The following ADH1C variants were observed in gnomAD, a reference collection of about 807,000 sequenced individuals.
ADH1C encodes alcohol dehydrogenase 1C (class I), gamma polypeptide.
Under a neutral mutation model 35.0 loss-of-function variants are expected in ADH1C, and 26 were observed. The ratio of observed to expected loss-of-function variants is 0.74; its 90% confidence interval spans 0.54 to 1.03. The LOEUF is 1.03. Ranked by LOEUF, ADH1C falls within the 50% of genes least tolerant of loss-of-function variation. ADH1C has a pLI of 0.00. For synonymous variants in ADH1C, 170 were observed against 169.3 expected (o/e 1.00, Z -0.03); for missense variants, 413 against 465.4 (o/e 0.89, Z 1.04).
chr4:99,342,260 A>T (rs1789908), intron 6 of ADH1C, among the ~76,000 whole-genome samples: 47,221 of 151,768 alleles, frequency 0.31, 8,726 homozygotes, highest in Non-Finnish European at 0.41. Context: ...GGCACTGTCC[A>T]GTTGCTGTGA....
rs1221712789 is a variant in ADH1C at position 99,347,781 on chromosome 4, C to T, written c.84G>A (p.Glu28=). 6.2e-7 allele frequency: 1 copy of T among 1,613,752 alleles called. No homozygotes were observed. The highest frequency in any genetic ancestry group is 8.5e-7 in the Non-Finnish European group (1 of 1,179,742). ...LKKPFSIEEV[E]VAPPKAHEVR... ...CTTCATGAGCCTTAGGAGGTGCAAC[C>T]TCTACCTCCTCAATGGAAAAGGGTT... The change falls in exon 2 of 9, where the codon GAG becomes GAA. Residue 28 remains glutamate, a synonymous_variant. Transcript: ENST00000515683.
intron 8 of ADH1C, 127 bp downstream of exon 8, chr4:99,339,450 G>T: frequency 1.1e-6 from 1 of 875,102 alleles, no homozygotes; most frequent in Non-Finnish European, 1.7e-6. Context: ...AACTGGCAAT[G>T]GAAAACCAAG....
chr4:99,342,657 G>A (rs1279150929), intron 6 of ADH1C, 138 bp downstream of exon 6: 2 of 1,381,432 alleles, frequency 1.4e-6, no homozygotes, highest in African/African-American at 2.9e-5. Context: ...AATTAAACAA[G>A]CCAGGTAACA....
chr4:99,343,310 C>A (rs534715876), intron 5 of ADH1C, among the ~76,000 whole-genome samples: 2 of 152,268 alleles, frequency 1.3e-5, no homozygotes, highest in Admixed American at 1.3e-4. Flanking sequence ...CAGGTCATAG[C>A]CCATGCCAAT....
chr4:99,350,486 A>G (rs962760559), intron 1 of ADH1C, among the ~76,000 whole-genome samples: 1 of 152,100 alleles, frequency 6.6e-6, no homozygotes, highest in African/African-American at 2.4e-5. Flanking sequence ...GTGAGACCAT[A>G]TGGTATTTGG....
In ADH1C at chr4:99,343,014, C is replaced by T. The variant is rs80086338; in HGVS notation, c.609G>A (p.Gly203=). 2 of 1,614,174 alleles carry T rather than the reference C, an allele frequency of 1.2e-6. No homozygotes were observed. Among genetic ancestry groups the T allele is most frequent in the Non-Finnish European group, 1.7e-6 (2 of 1,180,042 alleles). Residue 203 remains glycine (G), a synonymous_variant, in exon 6 of 9, where the codon GGG becomes GGA. Coordinates refer to ENST00000515683, the MANE Select transcript of ADH1C (RefSeq NM_000669.5). The part of the protein sequence containing the change: ...GSTCAVFGLG[G]VGLSVVMGCK... ...AGCCCATAACAACAGATAGGCCGACCCCTCCCAGGCCAAACACAGCACAGG... is the reference window on the plus strand; with the variant it reads ...AGCCCATAACAACAGATAGGCCGACTCCTCCCAGGCCAAACACAGCACAGG...
chr4:99,345,824 A>C (rs932282844), intron 3 of ADH1C, among the ~76,000 whole-genome samples: 1 of 152,196 alleles, frequency 6.6e-6, no homozygotes, highest in African/African-American at 2.4e-5. Flanking sequence ...TTTGAGGAAA[A>C]CTAACAAAAA....
In ADH1C at chr4:99,350,158, G is replaced by A. The variant is rs1734641277; in HGVS notation, c.19-2312C>T. ...TGCCAAAATAAATATCAGAATACTTGGAAATAAAGTTCTAATAGTAGGAGT... is the reference window on the plus strand; with the variant it reads ...TGCCAAAATAAATATCAGAATACTTAGAAATAAAGTTCTAATAGTAGGAGT... On this transcript the variant is annotated intron_variant, in intron 1 of 8. Coordinates refer to ENST00000515683, the MANE Select transcript of ADH1C (RefSeq NM_000669.5). 2.0e-5 allele frequency among the ~76,000 whole-genome samples: 3 copies of A among 152,068 alleles called. No individual in the cohort carries two copies. The South Asian group carries it at 6.2e-4, about 31-fold the overall frequency.
intron 6 of ADH1C, among the ~76,000 whole-genome samples, chr4:99,341,293 A>G (rs568511897): frequency 6.6e-6 from 1 of 152,338 alleles, no homozygotes; most frequent in Admixed American, 6.5e-5. Context: ...ACCTCAAAAG[A>G]CAGTTCAGAA....
intron 8 of ADH1C, 48 bp downstream of exon 8, chr4:99,339,529 C>A: frequency 3.9e-6 from 4 of 1,017,550 alleles, no homozygotes; most frequent in Non-Finnish European, 4.1e-6. Flanking sequence ...CCCCCCCCGC[C>A]GCTACTGTAG....
At chr4:99,338,685 G>C (rs1170497795) in intron 8 of ADH1C, among the ~76,000 whole-genome samples, 1 of 148,276 alleles carries the variant, frequency 6.7e-6, no homozygotes, top group Non-Finnish European at 1.5e-5. Context: ...GGTGCTCTGT[G>C]GGTGCTAGTG....
chr4:99,349,442 T>C (rs1158923308), intron 1 of ADH1C, among the ~76,000 whole-genome samples: 2 of 152,180 alleles, frequency 1.3e-5, no homozygotes, highest in African/African-American at 4.8e-5. Context: ...TGAAGACAAC[T>C]GTTTACCCAC....
intron 5 of ADH1C, among the ~76,000 whole-genome samples, chr4:99,343,679 A>G (rs754475691): frequency 6.6e-5 from 10 of 152,216 alleles, no homozygotes; most frequent in Non-Finnish European, 1.2e-4. Context: ...TCTATATTTT[A>G]ATAATAAATA....
intron 1 of ADH1C, among the ~76,000 whole-genome samples, chr4:99,348,404 A>G (rs1734593715): frequency 6.6e-6 from 1 of 151,468 alleles, no homozygotes. Context: ...GCGATAGTTT[A>G]CTGAGAATGA....
chr4:99,338,286 T>G (rs575336086), intron 8 of ADH1C, among the ~76,000 whole-genome samples: 1 of 149,860 alleles, frequency 6.7e-6, no homozygotes, highest in African/African-American at 2.4e-5. Flanking sequence ...TGCTCAATAG[T>G]GTCTTCTGGT....
Position 99,336,708 on chromosome 4 carries a change from A to G in ADH1C, c.*44T>C, listed in dbSNP as rs375850790. 6 of 1,604,590 alleles carry G rather than the reference A, an allele frequency of 3.7e-6. No individual in the cohort carries two copies. The African/African-American group carries it at 5.4e-5, about 14-fold the overall frequency. On this transcript the variant is annotated 3_prime_UTR_variant, in exon 9 of 9. Transcript: ENST00000515683. ...GCTGTTGCTCCAGATCATGTAGGGTAGAGGAGGCTGAAAACTGCTACAAGG... is the reference window on the plus strand; with the variant it reads ...GCTGTTGCTCCAGATCATGTAGGGTGGAGGAGGCTGAAAACTGCTACAAGG...
chr4:99,338,395 C>CTATATATATATA (rs35124782), intron 8 of ADH1C, among the ~76,000 whole-genome samples: 20 of 38,940 alleles, frequency 5.1e-4, no homozygotes, highest in Admixed American at 8.8e-4. Flanking sequence ...ATACTGTTTT[C>CTATATATATATA]TATATATATA....
rs373664235 is a variant in ADH1C, at chr4:99,344,845, T to A, written c.567+17A>T. 22 of 1,613,946 alleles carry A rather than the reference T, an allele frequency of 1.4e-5. No homozygotes were observed. The highest frequency in any genetic ancestry group is 1.8e-5 in the Non-Finnish European group (21 of 1,179,978). ...AGTCTGCGTGTAACCGGTTTTATCATCCATTGTCATTTCTACCTTGGCAAC... is the reference window on the plus strand; with the variant it reads ...AGTCTGCGTGTAACCGGTTTTATCAACCATTGTCATTTCTACCTTGGCAAC... On this transcript the variant is annotated intron_variant, in intron 5 of 8. Transcript: ENST00000515683.
Position 99,347,080 on chromosome 4 carries a change from AG to A in ADH1C, c.184del (p.Leu62PhefsTer3). On this transcript the variant is annotated frameshift_variant, in exon 3 of 9. Transcript: ENST00000515683. LOFTEE classifies it high-confidence loss of function. ...TGCCTCATGGCCTAAAATCACAGGA[AG>A]GGGGGTCACCAGGTTGCCACTAACC... is the stretch of plus-strand genomic sequence containing the variant. ...HVVSGNLVTP[L>X]PVILGHEAAG... 3 of 1,614,136 alleles carry A rather than the reference AG, an allele frequency of 1.9e-6. No individual in the cohort carries two copies. The highest frequency in any genetic ancestry group is 2.2e-5 in the East Asian group (1 of 44,880).
Sources: allele counts gnomAD v4.1 joint callset (sites outside exome capture counted in the v4.1 genomes callset), GRCh38; gene constraint gnomAD v4.1.1; transcripts MANE v1.5; gene names NCBI Gene and HGNC (gene_info 2026-07-23, HGNC 2026-07-21).